NOD1: variants seen among roughly 807,000 people sequenced by gnomAD.
NOD1 encodes the protein nucleotide binding oligomerization domain containing 1, also known as nucleotide-binding oligomerization domain-containing protein 1.
A neutral mutation model predicts 81.2 loss-of-function variants in NOD1; 70 were observed. That is an observed-to-expected ratio of 0.86 (90% CI 0.71 to 1.05). The LOEUF is 1.05. Ranked by LOEUF, NOD1 falls within the 50% of genes least tolerant of loss-of-function variation. NOD1 has a pLI of 0.00. For synonymous variants in NOD1, 508 were observed against 526.9 expected (o/e 0.96, Z 0.49); for missense variants, 1,233 against 1,228.0 (o/e 1.00, Z -0.06).
intron 12 of NOD1, among the ~76,000 whole-genome samples, chr7:30,431,568 G>T (rs1481081755): frequency 2.6e-5 from 4 of 152,222 alleles, no homozygotes; most frequent in African/African-American, 9.6e-5. Context: ...TCAACACGTG[G>T]TGCTGCCGGG....
Position 30,425,468 on chromosome 7 carries a change from T to A in NOD1, c.*170A>T. ...AATTGTAGCGGGTACTTAGGGAGTT[T>A]GCCGACCAGACCTTCTGCACAGGAA... On this transcript the variant is annotated 3_prime_UTR_variant, in exon 14 of 14. Coordinates refer to ENST00000222823, the MANE Select transcript of NOD1 (RefSeq NM_006092.4). 1 of 626,370 alleles carries A rather than the reference T, an allele frequency of 1.6e-6. No individual in the cohort carries two copies. Among genetic ancestry groups the A allele is most frequent in the South Asian group, 1.9e-5 (1 of 52,282 alleles). 38.8% of individuals were successfully genotyped at this position (626,370 alleles called of 1,614,324 possible).
chr7:30,429,331 A>G, intron 13 of NOD1, 43 bp downstream of exon 13: 1 of 1,505,702 alleles, frequency 6.6e-7, no homozygotes, highest in Non-Finnish European at 9.3e-7. Flanking sequence ...TGGTGAGTAA[A>G]CAGTCACTGG....
intron 6 of NOD1, among the ~76,000 whole-genome samples, chr7:30,449,112 C>T (rs900792265): frequency 2.0e-5 from 3 of 152,224 alleles, no homozygotes; most frequent in Admixed American, 6.5e-5. Flanking sequence ...TAAAACTTTA[C>T]TTAGAAACAC....
At chr7:30,429,534 G>A (rs764373331) in intron 12 of NOD1, 77 bp from the exon 13 acceptor site, 28 of 1,294,224 alleles carry the variant, frequency 2.2e-5, no homozygotes, top group Non-Finnish European at 2.9e-5. Context: ...AGTTGCAAGG[G>A]TGTTTTGGGA....
intron 9 of NOD1, among the ~76,000 whole-genome samples, chr7:30,439,548 C>T (rs1480246161): frequency 2.0e-5 from 2 of 97,780 alleles, no homozygotes; most frequent in African/African-American, 1.1e-4. Context: ...CTTTTCAGAC[C>T]GGCTTAAGAA....
In NOD1 at chr7:30,452,808, A is replaced by T. The variant is rs761897099; in HGVS notation, c.609T>A (p.Asp203Glu). ...EQGETIFILGDAGVGKSMLLQ... is the reference protein window; with the variant it reads ...EQGETIFILGEAGVGKSMLLQ... The stretch of plus-strand genomic sequence containing the variant: ...GCAGCATGGACTTGCCCACCCCAGC[A>T]TCACCCAGGATGAAGATGGTCTCAC... Residue 203 changes from aspartate (D) to glutamate (E), a missense_variant, in exon 6 of 14, where the codon GAT (aspartate) becomes GAA (glutamate). By Grantham distance (45) the Asp-to-Glu change is conservative. Transcript: ENST00000222823. The T allele has an allele frequency of 6.2e-7, 1 of 1,614,124 alleles. No individual in the cohort carries two copies. The highest frequency in any genetic ancestry group is 1.1e-5 in the South Asian group (1 of 91,088).
intron 9 of NOD1, among the ~76,000 whole-genome samples, chr7:30,438,215 T>C (rs1562662887): frequency 6.6e-6 from 1 of 152,224 alleles, no homozygotes; most frequent in Non-Finnish European, 1.5e-5. Flanking sequence ...TACGGCCATC[T>C]TGGTGGACAG....
At chr7:30,474,935 C>G (rs1295382767) in intron 1 of NOD1, among the ~76,000 whole-genome samples, 1 of 152,164 alleles carries the variant, frequency 6.6e-6, no homozygotes, top group African/African-American at 2.4e-5. Context: ...AGAAATGACC[C>G]ACTCACTGAA....
intron 1 of NOD1, among the ~76,000 whole-genome samples, chr7:30,476,955 TCTGCCAGAGCAC>T (rs1442443143): frequency 6.6e-6 from 1 of 152,218 alleles, no homozygotes; most frequent in Non-Finnish European, 1.5e-5. Flanking sequence ...AATAACTACC[TCTGCCAGAGCAC>T]CTGCCAGCGC....
At chr7:30,429,244 GGTAA>G (rs1198364560) in intron 13 of NOD1, 126 bp downstream of exon 13, 6 of 798,694 alleles carry the variant, frequency 7.5e-6, no homozygotes. Flanking sequence ...GTAAAACAGA[GGTAA>G]TACCATTACT....
chr7:30,459,597 C>A (rs1786793385), intron 2 of NOD1, among the ~76,000 whole-genome samples: 1 of 152,138 alleles, frequency 6.6e-6, no homozygotes, highest in Non-Finnish European at 1.5e-5. Context: ...ACCAGAAATA[C>A]CACAATGTTA....
At chr7:30,446,752 C>A (rs1785132007) in intron 8 of NOD1, 2 of 542,558 alleles carry the variant, frequency 3.7e-6, no homozygotes, top group Non-Finnish European at 6.5e-6. Flanking sequence ...TTAATGAAAT[C>A]AAAATGCCAA....
chr7:30,430,540 G>C (rs992939488), intron 12 of NOD1, among the ~76,000 whole-genome samples: 1 of 152,212 alleles, frequency 6.6e-6, no homozygotes, highest in Non-Finnish European at 1.5e-5. Flanking sequence ...AGGGCCCTAT[G>C]CTGTCATGAA....
intron 6 of NOD1, among the ~76,000 whole-genome samples, chr7:30,450,063 G>A (rs1054668362): frequency 3.3e-5 from 5 of 152,312 alleles, no homozygotes; most frequent in East Asian, 1.9e-4. Context: ...ACATGGTGGC[G>A]TGTGCCTGTA....
chr7:30,432,566 G>T (rs1360352089), intron 12 of NOD1, among the ~76,000 whole-genome samples: 1 of 152,202 alleles, frequency 6.6e-6, no homozygotes, highest in East Asian at 1.9e-4. Context: ...ATTGCCATAT[G>T]ACCCAGAAAT....
intron 1 of NOD1, among the ~76,000 whole-genome samples, chr7:30,468,056 G>T (rs1473189770): frequency 1.3e-5 from 2 of 152,132 alleles, no homozygotes; most frequent in African/African-American, 4.8e-5. Context: ...TTACCATTAA[G>T]CCTAGTTAGA....
intron 11 of NOD1, among the ~76,000 whole-genome samples, chr7:30,435,567 TG>T (rs1289588622): frequency 7.9e-5 from 12 of 152,322 alleles, no homozygotes; most frequent in African/African-American, 2.9e-4. Context: ...TCAACTTAAC[TG>T]AAAGGCCTAG....
intron 1 of NOD1, among the ~76,000 whole-genome samples, chr7:30,465,902 G>C (rs1210746055): frequency 6.6e-6 from 1 of 152,156 alleles, no homozygotes; most frequent in African/African-American, 2.4e-5. Context: ...ACAAATACAA[G>C]CATAAGCAAA....
chr7:30,461,965 C>G (rs1209967199), intron 1 of NOD1, among the ~76,000 whole-genome samples: 2 of 152,116 alleles, frequency 1.3e-5, no homozygotes, highest in Non-Finnish European at 2.9e-5. Flanking sequence ...GTCTTGATCT[C>G]CTGACCTCGT....
Sources: allele counts gnomAD v4.1 joint callset (sites outside exome capture counted in the v4.1 genomes callset), GRCh38; gene constraint gnomAD v4.1.1; transcripts MANE v1.5; gene names NCBI Gene and HGNC (gene_info 2026-07-23, HGNC 2026-07-21).